Variants in ST7 observed in about 807,000 individuals in gnomAD.
ST7 encodes the protein suppressor of tumorigenicity 7 protein.
A neutral mutation model predicts 78.7 loss-of-function variants in ST7; 28 were observed. That is an observed-to-expected ratio of 0.36 (90% CI 0.26 to 0.49). ST7 has a LOEUF of 0.49. ST7 is among the 20% of genes least tolerant of loss of function. The pLI, the probability that ST7 is intolerant of heterozygous loss-of-function variation, is 0.99. For missense variants in ST7, 418 were observed against 696.0 expected, an observed-to-expected ratio of 0.60 and a Z score of 4.49; for synonymous variants, 247 against 249.6, an observed-to-expected ratio of 0.99 and a Z score of 0.10.
intron 1 of ST7, among the ~76,000 whole-genome samples, chr7:116,978,138 A>G (rs550393732): frequency 2.0e-5 from 3 of 152,250 alleles, no homozygotes; most frequent in African/African-American, 7.2e-5. Flanking sequence ...GGCCAGCCTC[A>G]TATCTTTTGG....
chr7:117,079,465 AG>A (rs897069861), intron 1 of ST7, among the ~76,000 whole-genome samples: 1 of 152,204 alleles, frequency 6.6e-6, no homozygotes, highest in Non-Finnish European at 1.5e-5. Context: ...ACTAGAATTC[AG>A]GTTACATATA....
chr7:116,975,619 G>T (rs1793663623), intron 1 of ST7, among the ~76,000 whole-genome samples: 1 of 151,778 alleles, frequency 6.6e-6, no homozygotes, highest in Non-Finnish European at 1.5e-5. Flanking sequence ...TGTTGGCCAG[G>T]CTGGTCTTGA....
intron 1 of ST7, among the ~76,000 whole-genome samples, chr7:117,050,357 C>T (rs1584522547): frequency 6.6e-6 from 1 of 152,208 alleles, no homozygotes; most frequent in Non-Finnish European, 1.5e-5. Context: ...ATCCTCCAAA[C>T]AAACTCATCT....
intron 13 of ST7, among the ~76,000 whole-genome samples, chr7:117,214,240 C>T (rs1049191567): frequency 2.6e-5 from 4 of 152,016 alleles, no homozygotes; most frequent in African/African-American, 4.8e-5. Flanking sequence ...TCTTTGTTTC[C>T]GTTTTTTTCT....
intron 1 of ST7, among the ~76,000 whole-genome samples, chr7:116,981,242 G>C (rs1367918946): frequency 6.6e-6 from 1 of 151,882 alleles, no homozygotes; most frequent in East Asian, 1.9e-4. Flanking sequence ...CAAGTAGCTG[G>C]GTCCACAGGC....
intron 1 of ST7, among the ~76,000 whole-genome samples, chr7:117,021,456 AAG>A (rs1252405097): frequency 6.6e-6 from 1 of 152,242 alleles, no homozygotes; most frequent in Non-Finnish European, 1.5e-5. Flanking sequence ...AGAATTTCTA[AAG>A]AGACTTTCAA....
At chr7:117,154,645 G>T (rs909171214) in intron 9 of ST7, among the ~76,000 whole-genome samples, 1 of 152,224 alleles carries the variant, frequency 6.6e-6, no homozygotes, top group African/African-American at 2.4e-5. Context: ...AAAGAAGTCA[G>T]CAGAGAGGTA....
At chr7:117,102,995 A>G (rs375260451) in intron 2 of ST7, among the ~76,000 whole-genome samples, 5 of 152,172 alleles carry the variant, frequency 3.3e-5, no homozygotes, top group Middle Eastern at 3.2e-3. Flanking sequence ...TAAAGAGCAT[A>G]AAATACCTAG....
intron 9 of ST7, among the ~76,000 whole-genome samples, chr7:117,142,202 T>A (rs144502120): frequency 6.6e-6 from 1 of 152,214 alleles, no homozygotes; most frequent in African/African-American, 2.4e-5. Flanking sequence ...GGAATGAATG[T>A]CATAGGGCTG....
At chr7:117,185,439 A>G (rs1270044905) in intron 10 of ST7, among the ~76,000 whole-genome samples, 2 of 152,238 alleles carry the variant, frequency 1.3e-5, no homozygotes, top group African/African-American at 4.8e-5. Context: ...AAATACAGAT[A>G]AACAGTAGGA....
rs141431910 is a variant in ST7 at position 116,961,747 on chromosome 7, A to G, written c.151+8056A>G. 2.1e-4 allele frequency among the ~76,000 whole-genome samples: 32 copies of G among 150,970 alleles called. 1 individual carries two copies. The East Asian group carries it at 5.4e-3, about 26-fold the overall frequency. On this transcript the variant is annotated intron_variant, in intron 1 of 15. Transcript: ENST00000323984. Reference sequence around the variant, plus strand: ...ATTAGCTTAAGGAGCTTTTGGGCTGAGACTATGGGGTTTTCTTTCTTTTTT... The same window carrying G: ...ATTAGCTTAAGGAGCTTTTGGGCTGGGACTATGGGGTTTTCTTTCTTTTTT...
At chr7:117,088,556 AC>A (rs1343052920) in intron 1 of ST7, among the ~76,000 whole-genome samples, 1 of 152,058 alleles carries the variant, frequency 6.6e-6, no homozygotes, top group South Asian at 2.1e-4. Flanking sequence ...AGTATTTTGA[AC>A]CCTTTTATTA....
intron 1 of ST7, among the ~76,000 whole-genome samples, chr7:116,987,090 G>T (rs1794222450): frequency 6.6e-6 from 1 of 152,150 alleles, no homozygotes; most frequent in Admixed American, 6.5e-5. Flanking sequence ...CATTGCTCAG[G>T]AATTTATATA....
At chr7:116,959,010 A>G (rs117305081) in intron 1 of ST7, 8,028 of 354,008 alleles carry the variant, frequency 0.023, 122 homozygotes, top group Middle Eastern at 0.034. Context: ...TTTCCAGAGA[A>G]AGATTTCTCT....
At chr7:117,203,776 G>C (rs982891577) in intron 12 of ST7, among the ~76,000 whole-genome samples, 1 of 151,998 alleles carries the variant, frequency 6.6e-6, no homozygotes, top group African/African-American at 2.4e-5. Flanking sequence ...GATCATCAAG[G>C]TGGGGACCTG....
At chr7:117,099,318 A>G (rs1469129849) in intron 1 of ST7, among the ~76,000 whole-genome samples, 2 of 152,024 alleles carry the variant, frequency 1.3e-5, no homozygotes, top group African/African-American at 4.8e-5. Flanking sequence ...TAACTATTTA[A>G]TATATTAAAT....
intron 1 of ST7, among the ~76,000 whole-genome samples, chr7:117,012,895 G>A (rs1042019568): frequency 1.3e-5 from 2 of 152,146 alleles, no homozygotes; most frequent in African/African-American, 2.4e-5. Context: ...TTAACTATAA[G>A]TAGGTTGTAG....
intron 4 of ST7, 78 bp from the exon 5 acceptor site, chr7:117,130,413 C>T (rs145955324): frequency 1.8e-4 from 181 of 1,015,338 alleles, no homozygotes; most frequent in East Asian, 9.4e-4. Context: ...TATATTTCAA[C>T]GCCTCTGCAG....
intron 1 of ST7, among the ~76,000 whole-genome samples, chr7:117,005,892 G>A (rs760740295): frequency 2.6e-5 from 4 of 152,112 alleles, no homozygotes; most frequent in South Asian, 2.1e-4. Context: ...AAATAAATAC[G>A]TAGATCATAA....
Sources: allele counts gnomAD v4.1 joint callset (sites outside exome capture counted in the v4.1 genomes callset), GRCh38; gene constraint gnomAD v4.1.1; transcripts MANE v1.5; gene names NCBI Gene and HGNC (gene_info 2026-07-23, HGNC 2026-07-21).